The following NIM1K variants were observed in gnomAD, a reference collection of about 807,000 sequenced individuals.
The protein encoded by NIM1K is serine/threonine-protein kinase NIM1.
Under a neutral mutation model 37.1 loss-of-function variants are expected in NIM1K, and 35 were observed. That is an observed-to-expected ratio of 0.94 (90% confidence interval 0.72 to 1.25). The LOEUF is 1.25. NIM1K is among the 50% of genes most tolerant of loss of function. NIM1K has a pLI of 0.00. For missense variants in NIM1K, 564 were observed against 548.0 expected (o/e 1.03, Z -0.29); for synonymous variants, 234 against 206.6 (o/e 1.13, Z -1.14).
At chr5:43,255,949 G>C (rs1328399307) in intron 2 of NIM1K, among the ~76,000 whole-genome samples, 3 of 151,746 alleles carry the variant, frequency 2.0e-5, no homozygotes, top group Non-Finnish European at 2.9e-5. Context: ...CCAGATGGGA[G>C]ATGCCTGCAG....
rs113702840 is a variant in NIM1K at position 43,247,133 on chromosome 5, T to C, written c.292+1066T>C. ...TATAGAAAAAGCTCCACATACATGT[T>C]TGCATACATGTACCTCCCCACCGCA... On this transcript the variant is annotated intron_variant, in intron 2 of 3. Transcript: ENST00000326035. Among the ~76,000 whole-genome samples the C allele has an allele frequency of 1.7e-3, 261 of 152,170 alleles. 2 individuals carry two copies. Among genetic ancestry groups the C allele is most frequent in the African/African-American group, 5.9e-3 (246 of 41,522 alleles).
At chr5:43,246,160 G>T in intron 2 of NIM1K, 93 bp downstream of exon 2, 2 of 1,157,514 alleles carry the variant, frequency 1.7e-6, no homozygotes, top group Non-Finnish European at 2.4e-6. Context: ...AGCAAGTAAA[G>T]TGACCTCAGC....
chr5:43,225,889 T>G (rs1435676257), intron 1 of NIM1K: 2 of 152,258 alleles, frequency 1.3e-5, no homozygotes, highest in East Asian at 3.8e-4. Context: ...AAGTCATAAC[T>G]GTACAAAGTT....
intron 1 of NIM1K, among the ~76,000 whole-genome samples, chr5:43,219,728 C>CT (rs375234143): frequency 2.5e-4 from 37 of 149,690 alleles, no homozygotes; most frequent in Admixed American, 4.7e-4. Context: ...TTGATTGTGT[C>CT]TTTTTTTTTT....
intron 1 of NIM1K, among the ~76,000 whole-genome samples, chr5:43,243,357 A>C (rs564987553): frequency 1.4e-4 from 21 of 152,210 alleles, no homozygotes; most frequent in African/African-American, 4.8e-4. Context: ...GAATCTGGGG[A>C]GATCTAGTGC....
At chr5:43,242,172 A>G (rs530680906) in intron 1 of NIM1K, among the ~76,000 whole-genome samples, 1 of 152,104 alleles carries the variant, frequency 6.6e-6, no homozygotes, top group South Asian at 2.1e-4. Flanking sequence ...CAAGACAGAG[A>G]CTGATCATAT....
chr5:43,249,223 C>G (rs1444544457), intron 2 of NIM1K, among the ~76,000 whole-genome samples: 1 of 152,002 alleles, frequency 6.6e-6, no homozygotes, highest in East Asian at 1.9e-4. Flanking sequence ...GTGCCCGCCA[C>G]CACGCCCGGC....
chr5:43,202,591 C>T (rs905328698), intron 1 of NIM1K, among the ~76,000 whole-genome samples: 4 of 152,274 alleles, frequency 2.6e-5, no homozygotes, highest in Admixed American at 6.5e-5. Context: ...ATCAGCCAGT[C>T]GGCTTGGAGC....
chr5:43,206,747 C>T lies in NIM1K; in HGVS notation c.-695+14336C>T, dbSNP rs575980368. The T allele has an allele frequency of 9.3e-6, 7 of 750,324 alleles. No homozygotes were observed. The African/African-American group carries it at 1.2e-4, about 13-fold the overall frequency. 46.5% of individuals were successfully genotyped at this position (750,324 alleles called of 1,614,324 possible). ...ACAGCACACTTGACTTCATGCTTGG[C>T]ACCAAAGCTGATGGTGAGACCATTC... is the stretch of plus-strand genomic sequence containing the variant. On this transcript the variant is annotated intron_variant, in intron 1 of 3. Coordinates refer to ENST00000326035, the MANE Select transcript of NIM1K (RefSeq NM_153361.4).
chr5:43,259,170 A>T (rs1319377825), intron 2 of NIM1K, among the ~76,000 whole-genome samples: 1 of 152,180 alleles, frequency 6.6e-6, no homozygotes, highest in Admixed American at 6.5e-5. Context: ...GTTGACACTT[A>T]GGTTGGTTCC....
At chr5:43,215,094 T>C (rs1309654798) in intron 1 of NIM1K, among the ~76,000 whole-genome samples, 1 of 152,200 alleles carries the variant, frequency 6.6e-6, no homozygotes, top group Non-Finnish European at 1.5e-5. Context: ...TGAGCTGCCC[T>C]GTGAGATGAC....
intron 3 of NIM1K, 33 bp downstream of exon 3, chr5:43,277,358 C>T: frequency 3.8e-6 from 6 of 1,597,496 alleles, no homozygotes; most frequent in Non-Finnish European, 5.1e-6. Flanking sequence ...AACCTTGCTC[C>T]CATTGCACTG....
intron 1 of NIM1K, among the ~76,000 whole-genome samples, chr5:43,239,429 T>G (rs10462046): frequency 0.97 from 147,475 of 151,898 alleles, 71,767 homozygotes; most frequent in Middle Eastern, 1. Context: ...TAGTAGAGTC[T>G]GGGTTTCACT....
At chr5:43,207,112 T>G in intron 1 of NIM1K, 1 of 720,918 alleles carries the variant, frequency 1.4e-6, no homozygotes, top group Non-Finnish European at 2.6e-6. Flanking sequence ...AGGTGGTGTA[T>G]GATGAAGATT....
chr5:43,276,848 C>T (rs1753348784), intron 2 of NIM1K, among the ~76,000 whole-genome samples: 1 of 152,132 alleles, frequency 6.6e-6, no homozygotes, highest in African/African-American at 2.4e-5. Context: ...GACTTGGCAT[C>T]AAAACCTGTG....
intron 2 of NIM1K, among the ~76,000 whole-genome samples, chr5:43,272,796 GA>G (rs1427160035): frequency 1.3e-5 from 2 of 151,786 alleles, no homozygotes; most frequent in South Asian, 2.1e-4. Flanking sequence ...GGCTTCTCTT[GA>G]AAAAAAATCA....
intron 2 of NIM1K, among the ~76,000 whole-genome samples, chr5:43,255,181 G>C (rs1752921808): frequency 6.6e-6 from 1 of 152,148 alleles, no homozygotes; most frequent in Admixed American, 6.6e-5. Flanking sequence ...CATGGAAGAT[G>C]GGCAGGACAT....
intron 1 of NIM1K, chr5:43,232,413 C>T (rs1484181914): frequency 5.5e-6 from 8 of 1,455,992 alleles, no homozygotes; most frequent in Non-Finnish European, 7.7e-6. Context: ...GTCTGGAATT[C>T]TGTCAGATCA....
intron 1 of NIM1K, chr5:43,231,851 A>T (rs1020730066): frequency 4.9e-6 from 6 of 1,228,012 alleles, no homozygotes; most frequent in Non-Finnish European, 6.8e-6. Context: ...CTCCTTCAAC[A>T]GAATCCACAC....
Sources: gnomAD v4.1 joint callset for allele counts (sites outside exome capture counted in the v4.1 genomes callset) on GRCh38, gnomAD v4.1.1 for gene constraint, MANE v1.5 for transcripts, NCBI Gene and HGNC (gene_info 2026-07-23, HGNC 2026-07-21) for gene names.